XNDC1N: variants seen among roughly 807,000 people sequenced by gnomAD.
The protein encoded by XNDC1N is protein XNDC1N.
chr11:71,881,823 G>GA, the XNDC1N span, among the ~76,000 whole-genome samples: 1 of 151,574 alleles, frequency 6.6e-6, no homozygotes, highest in Non-Finnish European at 1.5e-5. Flanking sequence ...TAAAAGCAAA[G>GA]AAAAAAGAAT....
At chr11:71,907,742 T>C in the XNDC1N span, among the ~76,000 whole-genome samples, 4,892 of 152,224 alleles carry the variant, frequency 0.032, 75 homozygotes, top group East Asian at 0.077. Flanking sequence ...TTCTGTGATA[T>C]TGAAAGCAAT....
the XNDC1N span, among the ~76,000 whole-genome samples, chr11:71,906,813 C>T: frequency 4.6e-3 from 696 of 152,218 alleles, 1 homozygote; most frequent in African/African-American, 0.016. Flanking sequence ...ACAAGGTGTG[C>T]AACATCTGTG....
At chr11:71,903,985 T>G in the XNDC1N span, 1 of 515,636 alleles carries the variant, frequency 1.9e-6, no homozygotes, top group African/African-American at 1.9e-5. Context: ...TTCAGATGTG[T>G]CATCTTCCCC....
the XNDC1N span, among the ~76,000 whole-genome samples, chr11:71,890,220 C>T: frequency 6.6e-6 from 1 of 152,170 alleles, no homozygotes; most frequent in Non-Finnish European, 1.5e-5. Context: ...GAGACAATAA[C>T]ACAGGGTTGA....
the XNDC1N span, among the ~76,000 whole-genome samples, chr11:71,898,600 C>CT: frequency 1.3e-5 from 2 of 152,160 alleles, no homozygotes; most frequent in African/African-American, 4.8e-5. Context: ...GAGAAAGACT[C>CT]TGTTTCCAAA....
the XNDC1N span, among the ~76,000 whole-genome samples, chr11:71,882,127 C>A: frequency 6.6e-6 from 1 of 151,390 alleles, no homozygotes; most frequent in South Asian, 2.1e-4. Flanking sequence ...AAATCTTTAT[C>A]TATGGACAAC....
At chr11:71,865,780 T>A in the XNDC1N span, 2 of 412,972 alleles carry the variant, frequency 4.8e-6, no homozygotes, top group Non-Finnish European at 9.3e-6. Context: ...AGTTTTTTTT[T>A]TTTGCTGTGG....
At chr11:71,881,207 TAC>T in the XNDC1N span, among the ~76,000 whole-genome samples, 1 of 152,210 alleles carries the variant, frequency 6.6e-6, no homozygotes, top group Non-Finnish European at 1.5e-5. Context: ...TACATATATA[TAC>T]ATATTTGGAA....
At chr11:71,912,299 C>T in the XNDC1N span, among the ~76,000 whole-genome samples, 1 of 152,064 alleles carries the variant, frequency 6.6e-6, no homozygotes, top group African/African-American at 2.4e-5. Flanking sequence ...AGTTCTTGGG[C>T]GTACCTACTC....
the XNDC1N span, chr11:71,878,365 A>G: frequency 4.1e-6 from 6 of 1,447,166 alleles, no homozygotes; most frequent in Non-Finnish European, 5.7e-6. Flanking sequence ...ATCACTCAGC[A>G]ACTCACCTCT....
At chr11:71,868,243 A>G in the XNDC1N span, among the ~76,000 whole-genome samples, 1 of 152,208 alleles carries the variant, frequency 6.6e-6, no homozygotes, top group African/African-American at 2.4e-5. Flanking sequence ...CCAACTTGCC[A>G]CTTTGTGCCT....
chr11:71,894,552 G>T, the XNDC1N span: 2 of 154,510 alleles, frequency 1.3e-5, no homozygotes, highest in African/African-American at 2.4e-5. Context: ...TGCTTTCTTC[G>T]TTATGCCTTT....
chr11:71,889,676 C>A, the XNDC1N span, among the ~76,000 whole-genome samples: 1 of 152,124 alleles, frequency 6.6e-6, no homozygotes, highest in South Asian at 2.1e-4. Context: ...CTGGCCAAAA[C>A]GGTGAGGCAG....
chr11:71,893,402 A>G, the XNDC1N span: 8 of 698,902 alleles, frequency 1.1e-5, no homozygotes, highest in African/African-American at 1.2e-4. Context: ...ATCCAGCATT[A>G]AGGGCTGGTT....
At chr11:71,888,647 C>G in the XNDC1N span, among the ~76,000 whole-genome samples, 27 of 152,304 alleles carry the variant, frequency 1.8e-4, no homozygotes, top group African/African-American at 6.3e-4. Context: ...AGGATGGCCC[C>G]CCTGTTGGAG....
chr11:71,880,477 T>G, the XNDC1N span, among the ~76,000 whole-genome samples: 38 of 152,316 alleles, frequency 2.5e-4, no homozygotes, highest in Non-Finnish European at 4.6e-4. Context: ...ACTTTTTGTT[T>G]CATTAATTCT....
chr11:71,892,022 C>T, the XNDC1N span, among the ~76,000 whole-genome samples: 1 of 151,938 alleles, frequency 6.6e-6, no homozygotes, highest in African/African-American at 2.4e-5. Flanking sequence ...CCTCTCCTTC[C>T]CTGGATATTA....
At chr11:71,894,617 G>C in the XNDC1N span, among the ~76,000 whole-genome samples, 1 of 152,158 alleles carries the variant, frequency 6.6e-6, no homozygotes, top group Admixed American at 6.5e-5. Flanking sequence ...CCTCATGACT[G>C]AATCCTCTAT....
chr11:71,866,148 T>C, the XNDC1N span, among the ~76,000 whole-genome samples: 45 of 564 alleles, frequency 0.08, no homozygotes, highest in African/African-American at 0.24. Context: ...GATAACCCCT[T>C]TTTTTTTTTT....
Sources: allele counts gnomAD v4.1 joint callset (sites outside exome capture counted in the v4.1 genomes callset), GRCh38; gene constraint gnomAD v4.1.1; transcripts MANE v1.5; gene names NCBI Gene and HGNC (gene_info 2026-07-23, HGNC 2026-07-21).